MEAF6: variants seen among roughly 807,000 people sequenced by gnomAD.
MEAF6 encodes the protein chromatin modification-related protein MEAF6.
Under a neutral mutation model 28.9 loss-of-function variants are expected in MEAF6, and 15 were observed. The ratio of observed to expected loss-of-function variants is 0.52; its 90% CI spans 0.35 to 0.80. The LOEUF (loss-of-function observed/expected upper bound fraction) is 0.80. Ranked by LOEUF, MEAF6 falls within the 30% of genes least tolerant of loss-of-function variation. MEAF6 has a pLI of 0.01. For missense variants in MEAF6, 178 were observed against 237.5 expected (o/e 0.75, Z 1.65); for synonymous variants, 97 against 88.7 (o/e 1.09, Z -0.53).
At chr1:37,513,841 G>A (rs569499547) in intron 1 of MEAF6, 3 of 454,180 alleles carry the variant, frequency 6.6e-6, no homozygotes, top group South Asian at 9.1e-5. Flanking sequence ...GGCTAACGCA[G>A]AACTTGGGCG....
At chr1:37,510,643 A>C (rs1260583866) in intron 2 of MEAF6, among the ~76,000 whole-genome samples, 1 of 152,086 alleles carries the variant, frequency 6.6e-6, no homozygotes, top group Non-Finnish European at 1.5e-5. Context: ...TGGCCTTCCA[A>C]AGTGCTGGGA....
At chr1:37,510,660 G>C (rs1336677801) in intron 2 of MEAF6, among the ~76,000 whole-genome samples, 1 of 152,176 alleles carries the variant, frequency 6.6e-6, no homozygotes, top group Non-Finnish European at 1.5e-5. Flanking sequence ...GGGATTACAG[G>C]TGTGAGCCAC....
In MEAF6 at chr1:37,490,764, C is replaced by A. The variant is rs1017825120; in HGVS notation, c.*3335G>T. ...TCATTAGGCCGGGTGCAGTGGCTCA[C>A]GCCTGTAATCCTAGCACTTTGGGAG... is the stretch of plus-strand genomic sequence containing the variant. On this transcript the variant is annotated 3_prime_UTR_variant, in exon 7 of 7. Coordinates refer to ENST00000296214, the MANE Select transcript of MEAF6 (RefSeq NM_001270875.3). Among the ~76,000 whole-genome samples, 12 of 152,248 alleles carry A rather than the reference C, an allele frequency of 7.9e-5. No individual in the cohort carries two copies. Among genetic ancestry groups the A allele is most frequent in the Non-Finnish European group, 1.3e-4 (9 of 68,014 alleles).
chr1:37,494,980 A>C (rs563227483), intron 6 of MEAF6, among the ~76,000 whole-genome samples: 1 of 152,272 alleles, frequency 6.6e-6, no homozygotes, highest in African/African-American at 2.4e-5. Flanking sequence ...CAGTCCAAAA[A>C]AAAAAAGAGC....
rs527328395 is a variant in MEAF6 at position 37,513,673 on chromosome 1, G to A, written c.91-135C>T. The A allele has an allele frequency of 6.2e-5, 44 of 709,894 alleles. No homozygotes were observed. The African/African-American group carries it at 6.8e-4, about 11-fold the overall frequency. 44.0% of individuals were successfully genotyped at this position (709,894 alleles called of 1,614,324 possible). ...TAAACCACCCTGTGGAGAGATGGAA[G>A]ATACGGGGAGGAGGAGCCGTTTAGG... On this transcript the variant is annotated intron_variant, in intron 1 of 6. Transcript: ENST00000296214.
At chr1:37,495,160 CTG>C (rs1309721478) in intron 6 of MEAF6, among the ~76,000 whole-genome samples, 1 of 151,438 alleles carries the variant, frequency 6.6e-6, no homozygotes, top group African/African-American at 2.4e-5. Flanking sequence ...TGGTGAAACC[CTG>C]TCTCTACTAA....
intron 6 of MEAF6, among the ~76,000 whole-genome samples, 175 bp downstream of exon 6, chr1:37,495,697 CAAAAAACAAAAAA>C (rs1642102330): frequency 1.1e-5 from 1 of 92,676 alleles, no homozygotes; most frequent in African/African-American, 4.0e-5. Context: ...AAAAAAAAAA[CAAAAAACAAAAAA>C]AAAAAAAAAC....
intron 5 of MEAF6, among the ~76,000 whole-genome samples, chr1:37,499,780 T>C (rs1471695459): frequency 1.3e-5 from 2 of 152,216 alleles, no homozygotes; most frequent in African/African-American, 4.8e-5. Context: ...GGAAGAAGTA[T>C]TGTTCCTATG....
At chr1:37,494,736 T>C (rs1642058663) in intron 6 of MEAF6, among the ~76,000 whole-genome samples, 1 of 150,242 alleles carries the variant, frequency 6.7e-6, no homozygotes, top group South Asian at 2.1e-4. Context: ...GAGTCTGAGG[T>C]GGGAGGACGG....
chr1:37,511,583 G>A (rs182497552), intron 2 of MEAF6, among the ~76,000 whole-genome samples: 20 of 152,290 alleles, frequency 1.3e-4, no homozygotes, highest in Admixed American at 1.3e-3. Flanking sequence ...AAACTTAGCA[G>A]CAACAAATAA....
intron 2 of MEAF6, among the ~76,000 whole-genome samples, chr1:37,510,063 C>T (rs999647154): frequency 5.3e-5 from 8 of 151,798 alleles, no homozygotes; most frequent in East Asian, 1.9e-4. Context: ...AGGCATGAGC[C>T]ACCGCGCCCA....
In MEAF6 at chr1:37,507,269, G is replaced by A. The variant is rs533571936; in HGVS notation, c.340+2009C>T. Among the ~76,000 whole-genome samples the A allele has an allele frequency of 2.9e-4, 44 of 151,368 alleles. 2 individuals carry two copies. In the South Asian group the frequency reaches 6.7e-3, roughly 23 times the overall value. The stretch of plus-strand genomic sequence containing the variant: ...TGGGAGGCGGAGGTGGCAGTGAGCC[G>A]AGATCACGCCATTGCACTCCAGCCT... On this transcript the variant is annotated intron_variant, in intron 4 of 6. Coordinates refer to ENST00000296214, the MANE Select transcript of MEAF6 (RefSeq NM_001270875.3).
At chr1:37,513,584 A>G in intron 1 of MEAF6, 46 bp from the exon 2 acceptor site, 1 of 1,437,466 alleles carries the variant, frequency 7.0e-7, no homozygotes, top group South Asian at 1.1e-5. Context: ...TTTAAATGCA[A>G]ACACTTAAGT....
rs114002181 is a variant in MEAF6, at chr1:37,490,513, C to T, written c.*3586G>A. Among the ~76,000 whole-genome samples, 2 of 152,108 alleles carry T rather than the reference C, an allele frequency of 1.3e-5. No homozygotes were observed. The highest frequency in any genetic ancestry group is 2.9e-5 in the Non-Finnish European group (2 of 68,024). On this transcript the variant is annotated 3_prime_UTR_variant, in exon 7 of 7. Transcript: ENST00000296214. Reference sequence around the variant, plus strand: ...CACACTTCACATAAACCAGTATAGTCCCCCTGTAGTCAAGGCTTCAGATGT... The same window carrying T: ...CACACTTCACATAAACCAGTATAGTTCCCCTGTAGTCAAGGCTTCAGATGT...
rs1642786902 is a variant in MEAF6, at chr1:37,514,747, G to C, written c.-1C>G. On this transcript the variant is annotated 5_prime_UTR_variant, in exon 1 of 7. Coordinates refer to ENST00000296214, the MANE Select transcript of MEAF6 (RefSeq NM_001270875.3). ...GCGCCGCCTTGTTGTGCATCGCCAT[G>C]TTGGGCTGAGGCGGGCGGCGGCGGC... 2.0e-6 allele frequency: 3 copies of C among 1,499,300 alleles called. No individual in the cohort carries two copies. In the South Asian group the frequency reaches 3.7e-5, roughly 19 times the overall value. 92.9% of individuals were successfully genotyped at this position (1,499,300 alleles called of 1,614,324 possible).
rs1427396126 is a variant in MEAF6 at position 37,490,783 on chromosome 1, T to C, written c.*3316A>G. On this transcript the variant is annotated 3_prime_UTR_variant, in exon 7 of 7. Coordinates refer to ENST00000296214, the MANE Select transcript of MEAF6 (RefSeq NM_001270875.3). ...GGCTCACGCCTGTAATCCTAGCACT[T>C]TGGGAGGCTGAGGCAGGTGGATTAC... Among the ~76,000 whole-genome samples the C allele has an allele frequency of 6.6e-6, 1 of 152,090 alleles. No individual in the cohort carries two copies. Among genetic ancestry groups the C allele is most frequent in the African/African-American group, 2.4e-5 (1 of 41,412 alleles).
In MEAF6 at chr1:37,491,009, A is replaced by T. The variant is rs1433428524; in HGVS notation, c.*3090T>A. Among the ~76,000 whole-genome samples the T allele has an allele frequency of 6.6e-6, 1 of 152,218 alleles. No homozygotes were observed. Among genetic ancestry groups the T allele is most frequent in the Non-Finnish European group, 1.5e-5 (1 of 68,036 alleles). ...GCCACTGCACTCCAGCCTGGACGAC[A>T]GAGCAAGACTCTGTCTCAAAAAAAT... is the stretch of plus-strand genomic sequence containing the variant. On this transcript the variant is annotated 3_prime_UTR_variant, in exon 7 of 7. Coordinates refer to ENST00000296214, the MANE Select transcript of MEAF6 (RefSeq NM_001270875.3).
At chr1:37,504,805 A>C (rs1642428939) in intron 4 of MEAF6, among the ~76,000 whole-genome samples, 1 of 131,432 alleles carries the variant, frequency 7.6e-6, no homozygotes, top group African/African-American at 2.7e-5. Flanking sequence ...TTATATACAC[A>C]CACACACACA....
Position 37,492,169 on chromosome 1 carries a change from C to T in MEAF6, c.*1930G>A, listed in dbSNP as rs1457769431. ...TCAGCCTCCCGAGTAGCTGGGACTA[C>T]CGGCACCCGCCACCACGCTCAGCTA... On this transcript the variant is annotated 3_prime_UTR_variant, in exon 7 of 7. Transcript: ENST00000296214. Among the ~76,000 whole-genome samples, 5 of 152,008 alleles carry T rather than the reference C, an allele frequency of 3.3e-5. No homozygotes were observed. The highest frequency in any genetic ancestry group is 7.4e-5 in the Non-Finnish European group (5 of 67,996).
Sources: gnomAD v4.1 joint callset for allele counts (sites outside exome capture counted in the v4.1 genomes callset) on GRCh38, gnomAD v4.1.1 for gene constraint, MANE v1.5 for transcripts, NCBI Gene and HGNC (gene_info 2026-07-23, HGNC 2026-07-21) for gene names.